The following FSHR variants were observed in gnomAD, a reference collection of about 807,000 sequenced individuals.
The protein encoded by FSHR is follicle-stimulating hormone receptor.
A neutral mutation model predicts 52.1 loss-of-function variants in FSHR; 46 were observed. The ratio of observed to expected loss-of-function variants is 0.88; its 90% CI spans 0.70 to 1.13. FSHR has a LOEUF of 1.13. Ranked by LOEUF, FSHR falls within the 50% of genes most tolerant of loss-of-function variation. The probability of loss-of-function intolerance (pLI) is 0.00; values close to 1 mark genes in which losing one functional copy is unlikely to be tolerated. For synonymous variants in FSHR, 399 were observed against 309.6 expected, an observed-to-expected ratio of 1.29 and a Z score of -3.03; for missense variants, 964 against 834.6, an observed-to-expected ratio of 1.16 and a Z score of -1.91.
At chr2:49,060,195 C>T (rs1039393245) in intron 2 of FSHR, among the ~76,000 whole-genome samples, 1 of 151,932 alleles carries the variant, frequency 6.6e-6, no homozygotes, top group Admixed American at 6.6e-5. Context: ...AAAAAAATAC[C>T]GGTGAGGATG....
chr2:49,090,463 G>T (rs1356050820), intron 1 of FSHR, among the ~76,000 whole-genome samples: 1 of 152,112 alleles, frequency 6.6e-6, no homozygotes. Flanking sequence ...CCTTTTTGCT[G>T]CTGAGTAGTA....
At chr2:49,122,043 A>G (rs1671834426) in intron 1 of FSHR, among the ~76,000 whole-genome samples, 1 of 152,232 alleles carries the variant, frequency 6.6e-6, no homozygotes, top group African/African-American at 2.4e-5. Flanking sequence ...GCTCATAACT[A>G]AAGAATCAGA....
chr2:49,130,364 G>T (rs1672220197), intron 1 of FSHR, among the ~76,000 whole-genome samples: 1 of 152,134 alleles, frequency 6.6e-6, no homozygotes, highest in African/African-American at 2.4e-5. Flanking sequence ...TAATCTCAGT[G>T]TCCTCAATAG....
At chr2:49,049,225 T>C (rs1169447656) in intron 2 of FSHR, among the ~76,000 whole-genome samples, 1 of 152,110 alleles carries the variant, frequency 6.6e-6, no homozygotes, top group Non-Finnish European at 1.5e-5. Context: ...GGTATATCTC[T>C]GAGCACTGAC....
intron 2 of FSHR, among the ~76,000 whole-genome samples, 182 bp from the exon 3 acceptor site, chr2:49,020,342 C>T (rs1049061279): frequency 5.9e-5 from 9 of 152,196 alleles, no homozygotes; most frequent in South Asian, 2.1e-4. Context: ...TAACACTTAC[C>T]GAACAAGAGG....
chr2:48,964,209 C>T (rs139397951), intron 9 of FSHR, among the ~76,000 whole-genome samples: 483 of 152,092 alleles, frequency 3.2e-3, no homozygotes, highest in Admixed American at 7.7e-3. Context: ...CTTGCCACAA[C>T]CTGAATGTGG....
chr2:48,984,490 A>C (rs1396592200), intron 6 of FSHR, among the ~76,000 whole-genome samples: 1 of 152,228 alleles, frequency 6.6e-6, no homozygotes, highest in Non-Finnish European at 1.5e-5. Flanking sequence ...ATGGGCCAAA[A>C]GGCAAAAATA....
chr2:49,108,361 G>A (rs1671307684), intron 1 of FSHR, among the ~76,000 whole-genome samples: 1 of 152,054 alleles, frequency 6.6e-6, no homozygotes, highest in African/African-American at 2.4e-5. Context: ...CTTCCTATAT[G>A]TATATTCTAT....
At chr2:49,093,157 A>G (rs189342659) in intron 1 of FSHR, among the ~76,000 whole-genome samples, 4,373 of 152,272 alleles carry the variant, frequency 0.029, 86 homozygotes, top group South Asian at 0.044. Flanking sequence ...TCTAATTTTG[A>G]TATCAGAGTA....
chr2:49,103,035 T>C (rs1345734800), intron 1 of FSHR, among the ~76,000 whole-genome samples: 1 of 152,176 alleles, frequency 6.6e-6, no homozygotes, highest in Non-Finnish European at 1.5e-5. Flanking sequence ...CCCATGAAAA[T>C]TTAATACCAC....
chr2:49,042,351 A>G (rs1668507932), intron 2 of FSHR, among the ~76,000 whole-genome samples: 1 of 152,172 alleles, frequency 6.6e-6, no homozygotes, highest in Non-Finnish European at 1.5e-5. Context: ...CAATGGGGGA[A>G]GGAGAAGATT....
intron 1 of FSHR, among the ~76,000 whole-genome samples, chr2:49,082,243 C>T (rs1444671107): frequency 6.6e-6 from 1 of 152,194 alleles, no homozygotes; most frequent in African/African-American, 2.4e-5. Context: ...CAGACTGACA[C>T]CTCACACAGC....
chr2:48,988,826 A>G (rs559696245), intron 6 of FSHR, 151 bp downstream of exon 6: 2 of 689,536 alleles, frequency 2.9e-6, no homozygotes, highest in South Asian at 1.6e-5. Context: ...TCTGAAATGT[A>G]AAGATGAGAG....
chr2:49,137,676 A>C (rs1445527759), intron 1 of FSHR, among the ~76,000 whole-genome samples: 1 of 152,140 alleles, frequency 6.6e-6, no homozygotes, highest in East Asian at 1.9e-4. Flanking sequence ...GTCCAGAAAT[A>C]AACCTATATA....
intron 1 of FSHR, among the ~76,000 whole-genome samples, chr2:49,098,298 A>T (rs1670900068): frequency 6.6e-6 from 1 of 152,160 alleles, no homozygotes; most frequent in Non-Finnish European, 1.5e-5. Flanking sequence ...ATGCATAAAA[A>T]TAATTATAAA....
At chr2:49,154,043 C>T (rs1337234486) in intron 1 of FSHR, among the ~76,000 whole-genome samples, 1 of 152,176 alleles carries the variant, frequency 6.6e-6, no homozygotes, top group East Asian at 1.9e-4. Flanking sequence ...GGTTCTCTGA[C>T]ACTGCCGTTC....
intron 1 of FSHR, among the ~76,000 whole-genome samples, chr2:49,139,928 A>G (rs1448214583): frequency 6.6e-6 from 1 of 152,094 alleles, no homozygotes; most frequent in East Asian, 1.9e-4. Context: ...AATGCAGAGT[A>G]TTTGAAATTA....
At chr2:48,966,127 A>C (rs1208300052) in intron 9 of FSHR, among the ~76,000 whole-genome samples, 1 of 152,178 alleles carries the variant, frequency 6.6e-6, no homozygotes, top group African/African-American at 2.4e-5. Context: ...TAATAATGAT[A>C]TTACCATTGT....
intron 5 of FSHR, 67 bp downstream of exon 5, chr2:48,990,499 C>T (rs1325192737): frequency 9.8e-7 from 1 of 1,024,008 alleles, no homozygotes; most frequent in Non-Finnish European, 1.6e-6. Flanking sequence ...TATTAAAGGC[C>T]CAGATAGCCG....
Sources: gnomAD v4.1 joint callset for allele counts (sites outside exome capture counted in the v4.1 genomes callset) on GRCh38, gnomAD v4.1.1 for gene constraint, MANE v1.5 for transcripts, NCBI Gene and HGNC (gene_info 2026-07-23, HGNC 2026-07-21) for gene names.